Variants in ATG101 observed in about 807,000 individuals in gnomAD.
The protein encoded by ATG101 is autophagy-related protein 101.
Under a neutral mutation model 16.7 loss-of-function variants are expected in ATG101, and 6 were observed. That is an observed-to-expected ratio of 0.36 (90% CI 0.20 to 0.71). The LOEUF is 0.71. ATG101 is among the 30% of genes least tolerant of loss of function. The pLI is 0.57. For synonymous variants in ATG101, 108 were observed against 118.1 expected (o/e 0.91, Z 0.56); for missense variants, 200 against 292.5 (o/e 0.68, Z 2.31).
At position 52,076,903 on chromosome 12, in the gene ATG101, G is replaced by T. The variant is rs769986314; in HGVS notation, c.370G>T (p.Val124Phe). The change falls in exon 4 of 4, where the codon GTC becomes TTC. Residue 124 changes from valine to phenylalanine, a missense_variant. Coordinates refer to ENST00000336854, the MANE Select transcript of ATG101 (RefSeq NM_021934.5). Reference sequence around the variant, plus strand: ...GTGCATCCCATGGGAAGTGTGGACGGTCAAGGTGCATGTGGTAGCCCTGGC... The same window carrying T: ...GTGCATCCCATGGGAAGTGTGGACGTTCAAGGTGCATGTGGTAGCCCTGGC... ...DECIPWEVWT[V>F]KVHVVALATE... 6 of 1,614,052 alleles carry T rather than the reference G, an allele frequency of 3.7e-6. No individual in the cohort carries two copies. The South Asian group carries it at 5.5e-5, about 15-fold the overall frequency.
chr12:52,069,311 C>T (rs886304243), upstream of ATG101: 2 of 152,254 alleles, frequency 1.3e-5, no homozygotes, highest in Admixed American at 1.3e-4. Flanking sequence ...AGGACTGTCA[C>T]CAGATTGGTC....
chr12:52,076,913 A>C lies in ATG101; in HGVS notation c.380A>C (p.His127Pro). 1 of 1,614,208 alleles carries C rather than the reference A, an allele frequency of 6.2e-7. No individual in the cohort carries two copies. The highest frequency in any genetic ancestry group is 1.3e-5 in the African/African-American group (1 of 75,042). ...TGGGAAGTGTGGACGGTCAAGGTGC[A>C]TGTGGTAGCCCTGGCCACGGAGCAG... ...IPWEVWTVKV[H>P]VVALATEQER... The change falls in exon 4 of 4, where the codon CAT becomes CCT. Residue 127 changes from histidine (H) to proline (P), a missense_variant. Physicochemically the swap from His to Pro is moderately conservative, Grantham distance 77. Coordinates refer to ENST00000336854, the MANE Select transcript of ATG101 (RefSeq NM_021934.5).
upstream of ATG101, chr12:52,069,653 T>C (rs573009264): frequency 6.6e-6 from 1 of 151,852 alleles, no homozygotes; most frequent in Non-Finnish European, 1.5e-5. Context: ...CGAGAGCCCG[T>C]AGGGCTCCTC....
upstream of ATG101, among the ~76,000 whole-genome samples, chr12:52,065,878 T>G (rs1174582358): frequency 5.3e-5 from 8 of 152,082 alleles, no homozygotes; most frequent in Non-Finnish European, 7.4e-5. Context: ...AGAGAGGGAT[T>G]GATTGATTGA....
Position 52,077,086 on chromosome 12 carries a change from G to T in ATG101, c.553G>T (p.Val185Leu), listed in dbSNP as rs993464021. 1.9e-6 allele frequency: 3 copies of T among 1,614,066 alleles called. No homozygotes were observed. The highest frequency in any genetic ancestry group is 2.7e-5 in the African/African-American group (2 of 74,920). The change falls in exon 4 of 4, where the codon GTG becomes TTG. Residue 185 changes from valine (V) to leucine (L), a missense_variant. Transcript: ENST00000336854. ...DNVFDTGLRD[V>L]QPYLYKISFQ... ...CGTGTTTGACACAGGCTTGCGGGACGTGCAGCCCTACCTGTACAAGATCTC... is the reference window on the plus strand; with the variant it reads ...CGTGTTTGACACAGGCTTGCGGGACTTGCAGCCCTACCTGTACAAGATCTC...
At chr12:52,076,499 C>T (rs918917964) in intron 3 of ATG101, among the ~76,000 whole-genome samples, 4 of 152,192 alleles carry the variant, frequency 2.6e-5, no homozygotes, top group African/African-American at 4.8e-5. Flanking sequence ...GCACAGAATA[C>T]GTGCCTGCAG....
chr12:52,076,479 T>G (rs953371536), intron 3 of ATG101, among the ~76,000 whole-genome samples: 4 of 152,170 alleles, frequency 2.6e-5, no homozygotes, highest in Admixed American at 1.3e-4. Flanking sequence ...TTGTGTGTGT[T>G]AAGTTCCTAG....
chr12:52,065,741 G>C (rs1939542157), upstream of ATG101, among the ~76,000 whole-genome samples: 1 of 152,206 alleles, frequency 6.6e-6, no homozygotes, highest in African/African-American at 2.4e-5. Context: ...GGTGGAAGGA[G>C]GAAAGAGCAG....
intron 3 of ATG101, among the ~76,000 whole-genome samples, chr12:52,074,775 A>T (rs1035796546): frequency 6.6e-6 from 1 of 152,092 alleles, no homozygotes; most frequent in South Asian, 2.1e-4. Context: ...CCCTGGAAAC[A>T]TGGCGAAACT....
At chr12:52,069,362 CTG>C (rs1309317224), upstream of ATG101, 2 of 152,276 alleles carry the variant, frequency 1.3e-5, no homozygotes, top group Non-Finnish European at 2.9e-5. Flanking sequence ...AAAGGCAACA[CTG>C]AGAGATGAAG....
intron 2 of ATG101, 34 bp from the exon 3 acceptor site, chr12:52,073,538 ATTC>A (rs775066191): frequency 4.2e-5 from 56 of 1,345,682 alleles, no homozygotes; most frequent in Non-Finnish European, 5.2e-5. Flanking sequence ...CACGTGGACT[ATTC>A]TTGTCAGCAT....
At chr12:52,069,898 G>C (rs574266274), upstream of ATG101, 4 of 152,460 alleles carry the variant, frequency 2.6e-5, no homozygotes, top group East Asian at 7.7e-4. Flanking sequence ...GCGTGCGGGG[G>C]CCCGGCGAGC....
Position 52,073,879 on chromosome 12 carries a change from C to T in ATG101, c.229C>T (p.Arg77Cys), listed in dbSNP as rs773286579. 14 of 1,614,142 alleles carry T rather than the reference C, an allele frequency of 8.7e-6. No homozygotes were observed. The highest frequency in any genetic ancestry group is 5.5e-5 in the South Asian group (5 of 91,076). The change falls in exon 3 of 4, where the codon CGC becomes TGC. Residue 77 changes from arginine (R) to cysteine (C), a missense_variant. Physicochemically the swap from Arg to Cys is radical, Grantham distance 180. Coordinates refer to ENST00000336854, the MANE Select transcript of ATG101 (RefSeq NM_021934.5). ...TTCTGAGGAACTGGATCGTGCCCTG[C>T]GCAAGGTTGTTGGGGAGTTCAAGGT... ...VSSEELDRAL[R>C]KVVGEFKDAL... is the part of the protein sequence containing the mutation.
upstream of ATG101, among the ~76,000 whole-genome samples, chr12:52,068,990 CAAAAAAAAAAAAAAAAA>C (rs869030833): frequency 9.0e-5 from 3 of 33,518 alleles, no homozygotes; most frequent in Admixed American, 1.2e-3. Context: ...GACGCCGTCT[CAAAAAAAAAAAAAAAAA>C]AAAAAAAAAA....
At chr12:52,067,002 G>C (rs2701119), upstream of ATG101, among the ~76,000 whole-genome samples, 59,945 of 152,068 alleles carry the variant, frequency 0.39, 14,211 homozygotes, top group African/African-American at 0.64. Flanking sequence ...GGTCGCTGGT[G>C]TGTAGGGCAG....
rs764589486 is a variant in ATG101 at position 52,076,931 on chromosome 12, C to T, written c.398C>T (p.Thr133Met). 6.4e-5 allele frequency: 103 copies of T among 1,614,008 alleles called. No homozygotes were observed. Among genetic ancestry groups the T allele is most frequent in the Non-Finnish European group, 7.7e-5 (91 of 1,180,042 alleles). Residue 133 changes from threonine (T) to methionine (M), a missense_variant, in exon 4 of 4, where the codon ACG (threonine) becomes ATG (methionine). Transcript: ENST00000336854. ...AAGGTGCATGTGGTAGCCCTGGCCACGGAGCAGGAGCGGCAGATCTGCCGG... is the reference window on the plus strand; with the variant it reads ...AAGGTGCATGTGGTAGCCCTGGCCATGGAGCAGGAGCGGCAGATCTGCCGG... ...TVKVHVVALATEQERQICREK... is the reference protein window; with the variant it reads ...TVKVHVVALAMEQERQICREK...
At chr12:52,068,990 C>CAAAAAAAAAAA (rs869030833), upstream of ATG101, among the ~76,000 whole-genome samples, 44 of 33,518 alleles carry the variant, frequency 1.3e-3, 1 homozygote, top group Admixed American at 1.7e-3. Context: ...GACGCCGTCT[C>CAAAAAAAAAAA]AAAAAAAAAA....
chr12:52,069,175 G>A (rs12229440), upstream of ATG101: 2 of 152,136 alleles, frequency 1.3e-5, no homozygotes, highest in Non-Finnish European at 2.9e-5. Context: ...ACAGGTCACA[G>A]AAATCTTTCA....
Position 52,073,641 on chromosome 12 carries a change from T to G in ATG101, c.-10T>G, listed in dbSNP as rs1165232432. On this transcript the variant is annotated 5_prime_UTR_variant, in exon 3 of 4. Transcript: ENST00000336854. Reference sequence around the variant, plus strand: ...AGTTCCACACCTTGGTGTGGGTTACTGGGTGCAGGATGAACTGTCGCTCGG... The same window carrying G: ...AGTTCCACACCTTGGTGTGGGTTACGGGGTGCAGGATGAACTGTCGCTCGG... 6.2e-7 allele frequency: 1 copy of G among 1,609,032 alleles called. No homozygotes were observed. Among genetic ancestry groups the G allele is most frequent in the Non-Finnish European group, 8.5e-7 (1 of 1,176,140 alleles).
Sources: allele counts gnomAD v4.1 joint callset (sites outside exome capture counted in the v4.1 genomes callset), GRCh38; gene constraint gnomAD v4.1.1; transcripts MANE v1.5; gene names NCBI Gene and HGNC (gene_info 2026-07-23, HGNC 2026-07-21).